Variants in TAFA2 observed in about 807,000 individuals in gnomAD.
TAFA2 encodes chemokine-like protein TAFA-2.
TAFA2 carries 7 observed loss-of-function variants against 18.8 expected under a neutral mutation model. That is an observed-to-expected ratio of 0.37 (90% CI 0.21 to 0.70). The LOEUF is 0.70. Ranked by LOEUF, TAFA2 falls within the 30% of genes least tolerant of loss-of-function variation. The pLI is 0.53. For missense variants in TAFA2, 122 were observed against 158.1 expected, an observed-to-expected ratio of 0.77 and a Z score of 1.23; for synonymous variants, 60 against 54.2, an observed-to-expected ratio of 1.11 and a Z score of -0.47.
chr12:61,718,545 GA>G (rs1417993897), intron 4 of TAFA2, among the ~76,000 whole-genome samples: 5 of 152,074 alleles, frequency 3.3e-5, no homozygotes, highest in Non-Finnish European at 5.9e-5. Context: ...GGAATAAGTA[GA>G]AATCTCTTGA....
intron 2 of TAFA2, among the ~76,000 whole-genome samples, chr12:61,766,039 C>G (rs1592374826): frequency 6.6e-6 from 1 of 151,920 alleles, no homozygotes; most frequent in African/African-American, 2.4e-5. Context: ...TTTGATTTTC[C>G]TCTCTTCCCT....
intron 1 of TAFA2, among the ~76,000 whole-genome samples, chr12:62,244,773 G>A (rs1405718446): frequency 6.6e-6 from 1 of 152,040 alleles, no homozygotes; most frequent in East Asian, 1.9e-4. Context: ...CCAAACTGAT[G>A]GATGTGAAAT....
intron 4 of TAFA2, among the ~76,000 whole-genome samples, chr12:61,753,025 G>A (rs1008264596): frequency 2.0e-5 from 3 of 151,750 alleles, no homozygotes; most frequent in Non-Finnish European, 2.9e-5. Context: ...TACCATCACC[G>A]AGAGGTCAGT....
chr12:61,911,081 C>T (rs538922975), intron 1 of TAFA2, among the ~76,000 whole-genome samples: 2 of 152,136 alleles, frequency 1.3e-5, no homozygotes, highest in Non-Finnish European at 2.9e-5. Flanking sequence ...TCACAATTTT[C>T]AGAAGAAAAT....
intron 1 of TAFA2, among the ~76,000 whole-genome samples, chr12:62,060,161 T>G (rs1469598898): frequency 3.3e-5 from 5 of 152,212 alleles, no homozygotes; most frequent in African/African-American, 1.2e-4. Flanking sequence ...CCACTTTGGG[T>G]GGGCTTTAGA....
chr12:61,946,436 C>T (rs1314580702), intron 1 of TAFA2, among the ~76,000 whole-genome samples: 43 of 102,210 alleles, frequency 4.2e-4, no homozygotes, highest in African/African-American at 1.5e-3. Flanking sequence ...GCAATGGCAA[C>T]GAAAGCCAAA....
At chr12:62,079,690 A>G (rs565244206) in intron 1 of TAFA2, among the ~76,000 whole-genome samples, 3 of 151,914 alleles carry the variant, frequency 2.0e-5, no homozygotes, top group Non-Finnish European at 4.4e-5. Context: ...TTTTAACAGC[A>G]TGTTGTTACT....
chr12:62,007,137 C>T (rs61941033), intron 1 of TAFA2, among the ~76,000 whole-genome samples: 30,692 of 151,914 alleles, frequency 0.2, 3,324 homozygotes, highest in Admixed American at 0.25. Flanking sequence ...CCACACTGAC[C>T]GCTTCCTATT....
intron 1 of TAFA2, among the ~76,000 whole-genome samples, chr12:62,199,945 T>C (rs10877810): frequency 0.17 from 25,585 of 152,148 alleles, 2,342 homozygotes; most frequent in African/African-American, 0.25. Context: ...ATAAACACTA[T>C]TCTGATTGGT....
chr12:61,837,686 A>T (rs1374071622), intron 2 of TAFA2, among the ~76,000 whole-genome samples: 1 of 152,030 alleles, frequency 6.6e-6, no homozygotes, highest in Non-Finnish European at 1.5e-5. Context: ...AGTGCTGAAG[A>T]TCACACAGAA....
At chr12:61,929,919 A>G (rs1011175223) in intron 1 of TAFA2, among the ~76,000 whole-genome samples, 1 of 150,764 alleles carries the variant, frequency 6.6e-6, no homozygotes, top group Non-Finnish European at 1.5e-5. Flanking sequence ...AAAGCCAAAC[A>G]CTGCATGTTC....
chr12:61,959,022 C>CA (rs989192131), intron 1 of TAFA2, among the ~76,000 whole-genome samples: 1 of 151,854 alleles, frequency 6.6e-6, no homozygotes, highest in African/African-American at 2.4e-5. Flanking sequence ...TTATATTTAT[C>CA]ATATTCTTTA....
At chr12:62,103,663 C>G (rs566809289) in intron 1 of TAFA2, among the ~76,000 whole-genome samples, 1 of 152,062 alleles carries the variant, frequency 6.6e-6, no homozygotes, top group Non-Finnish European at 1.5e-5. Flanking sequence ...ACCGCTTGAA[C>G]CCGGGAGGCG....
intron 1 of TAFA2, among the ~76,000 whole-genome samples, chr12:62,085,566 A>C (rs1868415711): frequency 6.6e-6 from 1 of 152,142 alleles, no homozygotes; most frequent in Non-Finnish European, 1.5e-5. Context: ...TCTTTTATTC[A>C]TTCATTCCAC....
intron 4 of TAFA2, among the ~76,000 whole-genome samples, chr12:61,729,952 T>C (rs1046330397): frequency 1.3e-5 from 2 of 152,126 alleles, no homozygotes; most frequent in Non-Finnish European, 2.9e-5. Context: ...CTCCTAGGGA[T>C]AGGACTTCCT....
At chr12:61,824,288 C>G (rs1445295147) in intron 2 of TAFA2, among the ~76,000 whole-genome samples, 1 of 152,060 alleles carries the variant, frequency 6.6e-6, no homozygotes, top group African/African-American at 2.4e-5. Context: ...CTGGTAAGAC[C>G]CTGAAGCATT....
chr12:62,222,617 C>G lies in TAFA2; in HGVS notation c.-130+36146G>C, dbSNP rs148559995. ...CCACCTCCCGGGTCATGCCATTCTC[C>G]TGCCTCAGTCTCACGAGTAGCTGGG... On this transcript the variant is annotated intron_variant, in intron 1 of 5. Transcript: ENST00000551619. Among the ~76,000 whole-genome samples the G allele has an allele frequency of 5.2e-3, 792 of 151,968 alleles. 5 individuals carry two copies. Among genetic ancestry groups the G allele is most frequent in the African/African-American group, 0.018 (765 of 41,456 alleles).
At chr12:62,237,705 G>T (rs1473710291) in intron 1 of TAFA2, among the ~76,000 whole-genome samples, 1 of 152,164 alleles carries the variant, frequency 6.6e-6, no homozygotes, top group Admixed American at 6.5e-5. Context: ...CTTTGCAGTT[G>T]CCTGTAAGTG....
chr12:61,757,044 T>C (rs148182937), intron 2 of TAFA2, among the ~76,000 whole-genome samples: 54 of 152,196 alleles, frequency 3.5e-4, no homozygotes, highest in African/African-American at 1.3e-3. Flanking sequence ...TTGGATTTTA[T>C]TCTTCCTGCA....
Sources: gnomAD v4.1 joint callset for allele counts (sites outside exome capture counted in the v4.1 genomes callset) on GRCh38, gnomAD v4.1.1 for gene constraint, MANE v1.5 for transcripts, NCBI Gene and HGNC (gene_info 2026-07-23, HGNC 2026-07-21) for gene names.